Variants in PAFAH1B1 observed in about 807,000 individuals in gnomAD.
PAFAH1B1 encodes the protein platelet activating factor acetylhydrolase 1b regulatory subunit 1.
Under a neutral mutation model 57.5 loss-of-function variants are expected in PAFAH1B1, and 2 were observed. The ratio of observed to expected loss-of-function variants is 0.03; its 90% CI spans 0.01 to 0.11. The LOEUF is 0.11. Among genes scored for constraint, PAFAH1B1 ranks in the 10% least tolerant of loss-of-function variants. PAFAH1B1 has a pLI of 1.00. For synonymous variants in PAFAH1B1, 152 were observed against 169.6 expected (o/e 0.90, Z 0.81); for missense variants, 257 against 512.0 (o/e 0.50, Z 4.81).
intron 1 of PAFAH1B1, among the ~76,000 whole-genome samples, chr17:2,630,129 C>T (rs2151628877): frequency 6.6e-6 from 1 of 152,120 alleles, no homozygotes; most frequent in East Asian, 1.9e-4. Context: ...TCATCATGCT[C>T]TTTGTTGCCT....
intron 1 of PAFAH1B1, among the ~76,000 whole-genome samples, chr17:2,596,036 A>G (rs910810052): frequency 6.6e-6 from 1 of 152,144 alleles, no homozygotes; most frequent in African/African-American, 2.4e-5. Context: ...GGTTGCTACA[A>G]CTAAGTCATT....
intron 2 of PAFAH1B1, among the ~76,000 whole-genome samples, chr17:2,656,242 G>C (rs2068934905): frequency 6.6e-6 from 1 of 151,834 alleles, no homozygotes; most frequent in Non-Finnish European, 1.5e-5. Context: ...CTATTTAAAA[G>C]GGAAAAAAGG....
chr17:2,621,977 G>A (rs1046290720), intron 1 of PAFAH1B1, among the ~76,000 whole-genome samples: 5 of 152,148 alleles, frequency 3.3e-5, no homozygotes, highest in African/African-American at 9.7e-5. Flanking sequence ...AGAGAAAAAT[G>A]AGGAAGAAGC....
intron 1 of PAFAH1B1, among the ~76,000 whole-genome samples, chr17:2,622,610 C>T (rs559222800): frequency 8.5e-5 from 13 of 152,214 alleles, no homozygotes; most frequent in Non-Finnish European, 1.8e-4. Context: ...TCCCTCCTGT[C>T]TGCTTTCACC....
intron 1 of PAFAH1B1, among the ~76,000 whole-genome samples, chr17:2,631,861 C>T (rs1400869445): frequency 6.6e-6 from 1 of 152,160 alleles, no homozygotes; most frequent in Non-Finnish European, 1.5e-5. Flanking sequence ...TCCTGTCTGC[C>T]ATGATCCTTT....
chr17:2,618,954 C>CAAAAAAA (rs34683975), intron 1 of PAFAH1B1, among the ~76,000 whole-genome samples: 2 of 76,240 alleles, frequency 2.6e-5, no homozygotes, highest in East Asian at 4.8e-4. Context: ...GACTCCGTCT[C>CAAAAAAA]AAAAAAAAAA....
intron 2 of PAFAH1B1, chr17:2,639,687 C>T (rs2068672266): frequency 6.6e-6 from 1 of 151,990 alleles, no homozygotes; most frequent in African/African-American, 2.4e-5. Context: ...ACCTCCGCTT[C>T]CAGGGTTCAA....
chr17:2,651,595 A>G (rs1024811395), intron 2 of PAFAH1B1, among the ~76,000 whole-genome samples: 1 of 152,148 alleles, frequency 6.6e-6, no homozygotes. Flanking sequence ...AAAAAAAAAA[A>G]AAAGAAAAAT....
intron 2 of PAFAH1B1, among the ~76,000 whole-genome samples, chr17:2,658,772 T>TAG (rs2068973388): frequency 6.6e-6 from 1 of 152,206 alleles, no homozygotes. Context: ...AGTAGTTAAA[T>TAG]CCTGAACTAC....
intron 1 of PAFAH1B1, among the ~76,000 whole-genome samples, chr17:2,621,984 A>C (rs554775838): frequency 1.3e-5 from 2 of 152,286 alleles, no homozygotes; most frequent in Non-Finnish European, 2.9e-5. Flanking sequence ...AATGAGGAAG[A>C]AGCAAAACCA....
chr17:2,682,787 A>G lies in PAFAH1B1; in HGVS notation c.*985A>G, dbSNP rs1210988639. On this transcript the variant is annotated 3_prime_UTR_variant, in exon 11 of 11. Coordinates refer to ENST00000397195, the MANE Select transcript of PAFAH1B1 (RefSeq NM_000430.4). ...GAGGAATACAGCAGTTTGTTTTTCAACATGAATCTGATATTGATTTAAACT... is the reference window on the plus strand; with the variant it reads ...GAGGAATACAGCAGTTTGTTTTTCAGCATGAATCTGATATTGATTTAAACT... 6.5e-6 allele frequency: 1 copy of G among 152,738 alleles called. No homozygotes were observed. Among genetic ancestry groups the G allele is most frequent in the Non-Finnish European group, 1.5e-5 (1 of 68,036 alleles). 9.5% of individuals were successfully genotyped at this position (152,738 alleles called of 1,614,324 possible). A position where few individuals can be genotyped will look rare whatever the true frequency, so the allele number is the denominator to read the frequency against.
At chr17:2,655,923 G>T (rs139930511) in intron 2 of PAFAH1B1, among the ~76,000 whole-genome samples, 2,813 of 151,984 alleles carry the variant, frequency 0.019, 44 homozygotes, top group Middle Eastern at 0.051. Context: ...GGTGGTTTTC[G>T]TTTTGTTTTG....
At chr17:2,636,817 G>A (rs76520414) in intron 1 of PAFAH1B1, among the ~76,000 whole-genome samples, 2,217 of 151,984 alleles carry the variant, frequency 0.015, 67 homozygotes, top group African/African-American at 0.052. Context: ...CCATAACCTT[G>A]AACTCTTGGG....
intron 1 of PAFAH1B1, among the ~76,000 whole-genome samples, chr17:2,629,009 A>G (rs546008958): frequency 2.0e-5 from 3 of 152,136 alleles, no homozygotes; most frequent in East Asian, 1.9e-4. Flanking sequence ...CTAATGGTCT[A>G]TCAATTTTGT....
At chr17:2,630,979 C>T (rs1197449743) in intron 1 of PAFAH1B1, among the ~76,000 whole-genome samples, 1 of 152,200 alleles carries the variant, frequency 6.6e-6, no homozygotes, top group African/African-American at 2.4e-5. Flanking sequence ...CGGTGGCCCA[C>T]GCCTGCAATC....
At chr17:2,663,162 C>T (rs2069043105) in intron 2 of PAFAH1B1, among the ~76,000 whole-genome samples, 3 of 152,040 alleles carry the variant, frequency 2.0e-5, no homozygotes, top group East Asian at 1.9e-4. Flanking sequence ...CCTGTAGTCC[C>T]AGCTACTGGG....
chr17:2,605,134 A>G (rs1478217449), intron 1 of PAFAH1B1, among the ~76,000 whole-genome samples: 2 of 152,210 alleles, frequency 1.3e-5, no homozygotes, highest in Admixed American at 1.3e-4. Flanking sequence ...TCAGAAAATA[A>G]TGATTAGTGC....
chr17:2,604,341 A>T (rs2068180839), intron 1 of PAFAH1B1, among the ~76,000 whole-genome samples: 1 of 152,100 alleles, frequency 6.6e-6, no homozygotes, highest in Non-Finnish European at 1.5e-5. Flanking sequence ...CCCTGCTGAG[A>T]TTCTTAATAA....
At position 2,593,945 on chromosome 17, in the gene PAFAH1B1, C is replaced by G; in HGVS notation, c.-252C>G. 7.6e-6 allele frequency: 3 copies of G among 395,538 alleles called. No individual in the cohort carries two copies. The highest frequency in any genetic ancestry group is 1.3e-5 in the Non-Finnish European group (3 of 224,502). The allele number at this position is 395,538 out of a possible 1,614,324, so 24.5% of individuals were successfully genotyped here. On this transcript the variant is annotated 5_prime_UTR_variant, in exon 1 of 11. Transcript: ENST00000397195. ...TCCCTCCCCTCTCCCTCCCCCTCCC[C>G]CGCCGGTGGATGGGAGTGAAGGACG...
Sources: gnomAD v4.1 joint callset for allele counts (sites outside exome capture counted in the v4.1 genomes callset) on GRCh38, gnomAD v4.1.1 for gene constraint, MANE v1.5 for transcripts, NCBI Gene and HGNC (gene_info 2026-07-23, HGNC 2026-07-21) for gene names.